GRID1: variants seen among roughly 807,000 people sequenced by gnomAD.
GRID1 encodes the protein glutamate ionotropic receptor delta type subunit 1, also known as glutamate receptor ionotropic, delta-1.
In GRID1, 28 loss-of-function variants were observed where a neutral mutation model predicts 98.0. That is an observed-to-expected ratio of 0.29 (90% CI 0.21 to 0.39). GRID1 has a LOEUF of 0.39. Among genes scored for constraint, GRID1 ranks in the 10% least tolerant of loss-of-function variants. GRID1 has a pLI of 1.00. For missense variants in GRID1, 1,111 were observed against 1,340.5 expected (o/e 0.83, Z 2.67); for synonymous variants, 553 against 538.5 (o/e 1.03, Z -0.37).
intron 5 of GRID1, among the ~76,000 whole-genome samples, chr10:85,899,875 G>A (rs1841354728): frequency 6.6e-6 from 1 of 152,198 alleles, no homozygotes; most frequent in African/African-American, 2.4e-5. Flanking sequence ...GGCCTCTAGG[G>A]CTGCTGGAAA....
intron 2 of GRID1, among the ~76,000 whole-genome samples, chr10:86,273,534 G>A (rs922092027): frequency 6.0e-5 from 9 of 150,544 alleles, no homozygotes; most frequent in African/African-American, 2.2e-4. Context: ...CACCAACAGT[G>A]TAAAAGTGTT....
At chr10:86,091,113 T>C (rs1391273537) in intron 4 of GRID1, among the ~76,000 whole-genome samples, 1 of 152,046 alleles carries the variant, frequency 6.6e-6, no homozygotes, top group Non-Finnish European at 1.5e-5. Flanking sequence ...TTTTAACAAT[T>C]TGAGCGGGGT....
chr10:85,622,635 A>G (rs1374610043), intron 13 of GRID1, among the ~76,000 whole-genome samples: 1 of 152,190 alleles, frequency 6.6e-6, no homozygotes, highest in Non-Finnish European at 1.5e-5. Flanking sequence ...AGAGGGTGCT[A>G]TCCCACATTT....
chr10:86,197,433 G>A (rs1003920298), intron 3 of GRID1, among the ~76,000 whole-genome samples: 4 of 152,096 alleles, frequency 2.6e-5, no homozygotes, highest in Non-Finnish European at 2.9e-5. Context: ...GCCACATCTC[G>A]CTGGTACCCT....
intron 4 of GRID1, among the ~76,000 whole-genome samples, chr10:86,107,893 C>T (rs1312491832): frequency 6.6e-6 from 1 of 152,184 alleles, no homozygotes; most frequent in Non-Finnish European, 1.5e-5. Flanking sequence ...CTTGCTCCCC[C>T]ATCTGCTGAG....
intron 3 of GRID1, among the ~76,000 whole-genome samples, chr10:86,140,899 A>C (rs1845001520): frequency 6.6e-6 from 1 of 152,140 alleles, no homozygotes; most frequent in African/African-American, 2.4e-5. Flanking sequence ...CTGTTGGTGC[A>C]TGGGGAGGGC....
At chr10:86,207,559 G>A (rs1846045730) in intron 2 of GRID1, among the ~76,000 whole-genome samples, 1 of 149,794 alleles carries the variant, frequency 6.7e-6, no homozygotes, top group South Asian at 2.1e-4. Context: ...CACTGCACCA[G>A]TTTTGAAGCA....
intron 12 of GRID1, among the ~76,000 whole-genome samples, chr10:85,704,858 C>T (rs1219328797): frequency 6.6e-6 from 1 of 152,170 alleles, no homozygotes; most frequent in East Asian, 1.9e-4. Flanking sequence ...AAAACCTGCT[C>T]CTGAATGACT....
chr10:86,262,118 G>A (rs1589430080), intron 2 of GRID1, among the ~76,000 whole-genome samples: 2 of 152,340 alleles, frequency 1.3e-5, no homozygotes, highest in South Asian at 4.1e-4. Context: ...TTTACACTGT[G>A]CAAGTCACCT....
At chr10:86,323,451 G>A (rs1847998254) in intron 2 of GRID1, among the ~76,000 whole-genome samples, 1 of 152,246 alleles carries the variant, frequency 6.6e-6, no homozygotes, top group South Asian at 2.1e-4. Flanking sequence ...AAGAGCTTAG[G>A]AGAGAAATGG....
chr10:86,154,401 G>A (rs1376425295), intron 3 of GRID1, among the ~76,000 whole-genome samples: 1 of 152,218 alleles, frequency 6.6e-6, no homozygotes, highest in Admixed American at 6.5e-5. Context: ...GGCTGAGCCA[G>A]GAGGTCTGAT....
At chr10:85,658,198 T>C (rs532396829) in intron 12 of GRID1, among the ~76,000 whole-genome samples, 28 of 152,262 alleles carry the variant, frequency 1.8e-4, no homozygotes, top group African/African-American at 6.3e-4. Context: ...TCCCTGCTAA[T>C]ATTAGTTTTC....
At chr10:86,325,752 G>C (rs1848040536) in intron 2 of GRID1, among the ~76,000 whole-genome samples, 1 of 152,134 alleles carries the variant, frequency 6.6e-6, no homozygotes, top group Admixed American at 6.5e-5. Context: ...TAAAATTCTT[G>C]GTAAACTAGG....
At chr10:86,131,721 T>C (rs982342216) in intron 4 of GRID1, among the ~76,000 whole-genome samples, 5 of 152,166 alleles carry the variant, frequency 3.3e-5, no homozygotes, top group African/African-American at 1.2e-4. Flanking sequence ...AGATGCTCCT[T>C]TGAAATATCA....
chr10:85,947,406 G>T (rs1209367655), intron 4 of GRID1, among the ~76,000 whole-genome samples: 2 of 152,146 alleles, frequency 1.3e-5, no homozygotes, highest in Non-Finnish European at 2.9e-5. Flanking sequence ...AATGGCCATG[G>T]ATAACTTTCG....
At chr10:85,874,538 G>A (rs1406669758) in intron 5 of GRID1, among the ~76,000 whole-genome samples, 1 of 152,120 alleles carries the variant, frequency 6.6e-6, no homozygotes, top group Non-Finnish European at 1.5e-5. Flanking sequence ...AATTTCCACT[G>A]AGTTGGTTCT....
Position 85,764,363 on chromosome 10 carries a change from A to T in GRID1, c.1234-34749T>A, listed in dbSNP as rs116887676. ...CCACAGGGCCTCAGGATAAATTCAGAGCCTTCAAATGGCCCCGCATAGCAC... is the reference window on the plus strand; with the variant it reads ...CCACAGGGCCTCAGGATAAATTCAGTGCCTTCAAATGGCCCCGCATAGCAC... On this transcript the variant is annotated intron_variant, in intron 8 of 15. Coordinates refer to ENST00000327946, the MANE Select transcript of GRID1 (RefSeq NM_017551.3). Among the ~76,000 whole-genome samples the T allele has an allele frequency of 1.3e-3, 200 of 152,336 alleles. 6 individuals are homozygous for T. The East Asian group carries it at 0.034, about 26-fold the overall frequency.
chr10:85,850,217 T>C (rs1326678969), intron 8 of GRID1, among the ~76,000 whole-genome samples: 1 of 152,176 alleles, frequency 6.6e-6, no homozygotes, highest in Non-Finnish European at 1.5e-5. Context: ...ATGAGTTGCC[T>C]ACACCAGTGC....
intron 6 of GRID1, among the ~76,000 whole-genome samples, chr10:85,859,715 T>C (rs999825706): frequency 3.9e-5 from 6 of 152,190 alleles, no homozygotes; most frequent in African/African-American, 1.4e-4. Flanking sequence ...TTGGGCATAA[T>C]CTAACACTGC....
Sources: gnomAD v4.1 joint callset for allele counts (sites outside exome capture counted in the v4.1 genomes callset) on GRCh38, gnomAD v4.1.1 for gene constraint, MANE v1.5 for transcripts, NCBI Gene and HGNC (gene_info 2026-07-23, HGNC 2026-07-21) for gene names.